IGSF10: variants seen among roughly 807,000 people sequenced by gnomAD.
IGSF10 encodes the protein immunoglobulin superfamily member 10, also known as calvaria mechanical force protein 608.
Under a neutral mutation model 128.2 loss-of-function variants are expected in IGSF10, and 126 were observed. That is an observed-to-expected ratio of 0.98 (90% CI 0.85 to 1.14). The LOEUF (loss-of-function observed/expected upper bound fraction) is 1.14. Among genes scored for constraint, IGSF10 ranks in the 50% most tolerant of loss-of-function variants. The pLI, the probability that IGSF10 is intolerant of heterozygous loss-of-function variation, is 0.00. For missense variants in IGSF10, 3,295 were observed against 3,149.8 expected, an observed-to-expected ratio of 1.05 and a Z score of -1.10; for synonymous variants, 1,185 against 1,146.2, an observed-to-expected ratio of 1.03 and a Z score of -0.68.
At chr3:151,516,541 G>A in the IGSF10 span, among the ~76,000 whole-genome samples, 3 of 152,012 alleles carry the variant, frequency 2.0e-5, no homozygotes, top group African/African-American at 4.8e-5. Context: ...TGGCACGGAC[G>A]TTGCCTCATA....
chr3:151,440,512 C>A (rs1720786544), intron 7 of IGSF10: 1 of 456,368 alleles, frequency 2.2e-6, no homozygotes, highest in South Asian at 1.5e-5. Context: ...GTTGTTTAAT[C>A]TTGAAGTAAT....
At chr3:151,553,075 G>T in the IGSF10 span, among the ~76,000 whole-genome samples, 1 of 152,030 alleles carries the variant, frequency 6.6e-6, no homozygotes, top group East Asian at 1.9e-4. Context: ...TATAATAAAT[G>T]TAGCTTTATA....
upstream of IGSF10, among the ~76,000 whole-genome samples, chr3:151,463,529 T>TTTTTTTGTTTTTTTTTG (rs1560185455): frequency 5.1e-5 from 3 of 58,646 alleles, no homozygotes; most frequent in African/African-American, 8.3e-5. Flanking sequence ...TCTGGTTTTT[T>TTTTTTTGTTTTTTTTTG]TTTTTTTTTT....
At chr3:151,595,108 T>C in the IGSF10 span, among the ~76,000 whole-genome samples, 1 of 151,908 alleles carries the variant, frequency 6.6e-6, no homozygotes, top group African/African-American at 2.4e-5. Context: ...AAAAAGACAA[T>C]GGATAACAAT....
intron 5 of IGSF10, among the ~76,000 whole-genome samples, chr3:151,450,410 A>G (rs908153180): frequency 6.6e-6 from 1 of 152,150 alleles, no homozygotes; most frequent in Non-Finnish European, 1.5e-5. Context: ...TCTCCTTCCC[A>G]TGTGTGCACA....
At chr3:151,579,458 G>A in the IGSF10 span, among the ~76,000 whole-genome samples, 79 of 152,034 alleles carry the variant, frequency 5.2e-4, no homozygotes, top group Admixed American at 9.2e-4. Context: ...TGTAAAAGGT[G>A]GATAACATTC....
At chr3:151,597,185 C>T in the IGSF10 span, among the ~76,000 whole-genome samples, 2 of 152,310 alleles carry the variant, frequency 1.3e-5, no homozygotes, top group East Asian at 3.9e-4. Flanking sequence ...TATTTCAGAG[C>T]ATGCATCTTT....
the IGSF10 span, among the ~76,000 whole-genome samples, chr3:151,585,398 A>G: frequency 1.3e-5 from 2 of 152,256 alleles, no homozygotes; most frequent in East Asian, 1.9e-4. Context: ...TGTTTTTACT[A>G]CTTCTCAACC....
rs1010698339 is a variant in IGSF10, at chr3:151,446,562, C to A, written c.3419G>T (p.Gly1140Val). The A allele has an allele frequency of 6.2e-7, 1 of 1,613,840 alleles. No individual in the cohort carries two copies. Among genetic ancestry groups the A allele is most frequent in the South Asian group, 1.1e-5 (1 of 91,064 alleles). The change falls in exon 6 of 8, where the codon GGT becomes GTT. Residue 1140 changes from glycine (G) to valine (V), a missense_variant. Physicochemically the swap from Gly to Val is moderately radical, Grantham distance 109. Coordinates refer to ENST00000282466, the MANE Select transcript of IGSF10 (RefSeq NM_178822.5). ...TGTTGGAGCATATGTCATGACTGCA[C>A]CAGTTGGAGTCACTTGGGAAATTTC... ...RTEISQVTPT[G>V]AVMTYAPTSI...
rs1721357254 is a variant in IGSF10, at chr3:151,448,723, C to T, written c.1258G>A (p.Ala420Thr). The T allele has an allele frequency of 1.2e-6, 2 of 1,613,702 alleles. No individual in the cohort carries two copies. Among genetic ancestry groups the T allele is most frequent in the Non-Finnish European group, 1.7e-6 (2 of 1,179,652 alleles). Residue 420 changes from alanine (A) to threonine (T), a missense_variant, in exon 6 of 8, where the codon GCA (alanine) becomes ACA (threonine). Ala to Thr is a moderately conservative substitution (Grantham distance 58). Coordinates refer to ENST00000282466, the MANE Select transcript of IGSF10 (RefSeq NM_178822.5). ...CAAGAGGGATCTGCTCTGAGATCTGCCTCTATGTTGGTAAAAATGTCTTCA... is the reference window on the plus strand; with the variant it reads ...CAAGAGGGATCTGCTCTGAGATCTGTCTCTATGTTGGTAAAAATGTCTTCA... ...KPEDIFTNIE[A>T]DLRADPSWLM... is the part of the protein sequence containing the mutation.
the IGSF10 span, among the ~76,000 whole-genome samples, chr3:151,493,186 G>A: frequency 6.6e-6 from 1 of 152,106 alleles, no homozygotes; most frequent in South Asian, 2.1e-4. Context: ...ATACAAAGTA[G>A]CAGATATGTA....
the IGSF10 span, among the ~76,000 whole-genome samples, chr3:151,546,145 A>G: frequency 6.6e-6 from 1 of 152,130 alleles, no homozygotes; most frequent in East Asian, 1.9e-4. Flanking sequence ...GAGCATCAAA[A>G]ACAGATCTAT....
At chr3:151,539,310 C>CA in the IGSF10 span, among the ~76,000 whole-genome samples, 3 of 152,110 alleles carry the variant, frequency 2.0e-5, no homozygotes, top group African/African-American at 7.2e-5. Flanking sequence ...TTCGCATAGC[C>CA]GCTCTTAAGA....
the IGSF10 span, among the ~76,000 whole-genome samples, chr3:151,471,117 A>G: frequency 2.0e-5 from 3 of 152,136 alleles, no homozygotes; most frequent in East Asian, 5.8e-4. Flanking sequence ...TTCTCATGAT[A>G]GTGAATAAGC....
chr3:151,599,424 T>C, the IGSF10 span, among the ~76,000 whole-genome samples: 4 of 152,120 alleles, frequency 2.6e-5, no homozygotes, highest in African/African-American at 9.7e-5. Context: ...ACTGGTAACA[T>C]TAGAGCTTAG....
the IGSF10 span, among the ~76,000 whole-genome samples, chr3:151,511,728 G>A: frequency 7.8e-4 from 119 of 152,214 alleles, no homozygotes; most frequent in East Asian, 0.015. Context: ...ACCATCTCAC[G>A]TGCAGAGACA....
the IGSF10 span, among the ~76,000 whole-genome samples, chr3:151,595,726 GAAA>G: frequency 8.4e-6 from 1 of 119,242 alleles, no homozygotes; most frequent in Non-Finnish European, 1.8e-5. Flanking sequence ...TCTGGAATCT[GAAA>G]AAAAAAAAAA....
chr3:151,574,903 G>A, the IGSF10 span, among the ~76,000 whole-genome samples: 4 of 152,224 alleles, frequency 2.6e-5, no homozygotes, highest in African/African-American at 4.8e-5. Context: ...TGGGGTTTTC[G>A]TGTGGGTGTC....
Position 151,447,554 on chromosome 3 carries a change from C to G in IGSF10, c.2427G>C (p.Pro809=), listed in dbSNP as rs142039752. 2 of 1,614,050 alleles carry G rather than the reference C, an allele frequency of 1.2e-6. No individual in the cohort carries two copies. Among genetic ancestry groups the G allele is most frequent in the East Asian group, 2.2e-5 (1 of 44,880 alleles). The change falls in exon 6 of 8, where the codon CCG becomes CCC. Residue 809 remains proline, a synonymous_variant. Coordinates refer to ENST00000282466, the MANE Select transcript of IGSF10 (RefSeq NM_178822.5). ...CTGGAAGGTTCAAAGCTTTAGTGGC[C>G]GGGACCATAAATTCCTCATGTAGAG... The part of the protein sequence containing the change: ...MLALHEEFMV[P]ATKALNLPAR...
Sources: gnomAD v4.1 joint callset for allele counts (sites outside exome capture counted in the v4.1 genomes callset) on GRCh38, gnomAD v4.1.1 for gene constraint, MANE v1.5 for transcripts, NCBI Gene and HGNC (gene_info 2026-07-23, HGNC 2026-07-21) for gene names.